Variants in TAFA2 observed in about 807,000 individuals in gnomAD.
TAFA2 encodes chemokine-like protein TAFA-2.
A neutral mutation model predicts 18.8 loss-of-function variants in TAFA2; 7 were observed. The observed-to-expected ratio is 0.37, with a 90% CI of 0.21 to 0.70. The LOEUF is 0.70. Ranked by LOEUF, TAFA2 falls within the 30% of genes least tolerant of loss-of-function variation. The probability of loss-of-function intolerance (pLI) is 0.53; values close to 1 mark genes in which losing one functional copy is unlikely to be tolerated. For missense variants in TAFA2, 122 were observed against 158.1 expected (o/e 0.77, Z 1.23); for synonymous variants, 60 against 54.2 (o/e 1.11, Z -0.47).
At chr12:62,034,361 G>A (rs1034511730) in intron 1 of TAFA2, among the ~76,000 whole-genome samples, 12 of 152,178 alleles carry the variant, frequency 7.9e-5, no homozygotes, top group Admixed American at 2.6e-4. Context: ...TACCTACCTC[G>A]GAAAGGGCCA....
chr12:61,925,165 TAGAC>T lies in TAFA2; in HGVS notation c.-1-57743_-1-57740del, dbSNP rs879172320. 2.9e-4 allele frequency among the ~76,000 whole-genome samples: 44 copies of T among 152,138 alleles called. 1 individual carries two copies. Among genetic ancestry groups the T allele is most frequent in the African/African-American group, 9.9e-4 (41 of 41,408 alleles). ...GACATTAACACCCCACTGTCAATAT[TAGAC>T]AGATCAACAAGATGTAAAATTAACA... On this transcript the variant is annotated intron_variant, in intron 1 of 4. Coordinates refer to ENST00000416284, the MANE Select transcript of TAFA2 (RefSeq NM_178539.5).
intron 2 of TAFA2, among the ~76,000 whole-genome samples, chr12:61,857,676 G>A (rs1051744899): frequency 2.6e-5 from 4 of 152,144 alleles, no homozygotes; most frequent in African/African-American, 9.7e-5. Context: ...AAACGATTCT[G>A]AAGTTCTAGG....
intron 2 of TAFA2, among the ~76,000 whole-genome samples, chr12:61,763,832 G>A (rs980280618): frequency 2.0e-5 from 3 of 151,912 alleles, no homozygotes; most frequent in Admixed American, 2.0e-4. Context: ...TCCATGAGCT[G>A]CCTTGGTGTA....
intron 2 of TAFA2, among the ~76,000 whole-genome samples, chr12:61,832,680 T>G (rs1343763630): frequency 6.6e-6 from 1 of 152,132 alleles, no homozygotes; most frequent in Non-Finnish European, 1.5e-5. Flanking sequence ...CCTTGACTCA[T>G]GTTTCATCCT....
chr12:62,167,579 C>G (rs2062449225), intron 1 of TAFA2, among the ~76,000 whole-genome samples: 1 of 152,104 alleles, frequency 6.6e-6, no homozygotes, highest in South Asian at 2.1e-4. Flanking sequence ...AACCCTTTAG[C>G]CCTAAACTTG....
intron 1 of TAFA2, among the ~76,000 whole-genome samples, chr12:62,227,205 C>G (rs2062790645): frequency 6.6e-6 from 1 of 151,836 alleles, no homozygotes; most frequent in Admixed American, 6.6e-5. Context: ...TTATTTTTTC[C>G]CTCTAACCTC....
intron 2 of TAFA2, 66 bp downstream of exon 2, chr12:61,867,254 A>G (rs1252228562): frequency 1.9e-6 from 2 of 1,041,318 alleles, no homozygotes; most frequent in East Asian, 4.8e-5. Context: ...GAGGCAAAAC[A>G]TAACAGTCTG....
intron 1 of TAFA2, among the ~76,000 whole-genome samples, chr12:61,897,701 G>A (rs1358244768): frequency 6.6e-6 from 1 of 152,120 alleles, no homozygotes; most frequent in Non-Finnish European, 1.5e-5. Context: ...GGGGAATATG[G>A]GGATTACAAT....
At chr12:61,836,732 GATATATATATAT>G (rs3034054) in intron 2 of TAFA2, among the ~76,000 whole-genome samples, 1 of 112,788 alleles carries the variant, frequency 8.9e-6, no homozygotes, top group Non-Finnish European at 1.9e-5. Flanking sequence ...TTGCCAATTT[GATATATATATAT>G]ATATATATAT....
intron 1 of TAFA2, among the ~76,000 whole-genome samples, chr12:62,142,405 T>C (rs1339852324): frequency 1.3e-5 from 2 of 152,206 alleles, no homozygotes; most frequent in Non-Finnish European, 2.9e-5. Context: ...TGTCATTTCA[T>C]AGTGGTAAGT....
chr12:62,110,601 C>A lies in TAFA2; in HGVS notation c.-2+80658G>T, dbSNP rs1010427691. Among the ~76,000 whole-genome samples, 4 of 138,726 alleles carry A rather than the reference C, an allele frequency of 2.9e-5. No homozygotes were observed. In the South Asian group the frequency reaches 9.0e-4, roughly 31 times the overall value. The allele number at this position is 138,726 out of a possible 152,430, so 91.0% of individuals were successfully genotyped here. On this transcript the variant is annotated intron_variant, in intron 1 of 4. Transcript: ENST00000416284. Reference sequence around the variant, plus strand: ...TGGTAGAATTCAGCTGTGAATCCATCTGGTCCTGGGCTTTTTTTTTTTTTT... The same window carrying A: ...TGGTAGAATTCAGCTGTGAATCCATATGGTCCTGGGCTTTTTTTTTTTTTT...
At chr12:61,854,313 A>T (rs1261028127) in intron 2 of TAFA2, among the ~76,000 whole-genome samples, 1 of 152,150 alleles carries the variant, frequency 6.6e-6, no homozygotes, top group Non-Finnish European at 1.5e-5. Context: ...CCCCCCAAAA[A>T]ATTATAGCAG....
intron 1 of TAFA2, among the ~76,000 whole-genome samples, chr12:62,043,430 A>G (rs1881817510): frequency 3.4e-5 from 5 of 148,088 alleles, no homozygotes; most frequent in Admixed American, 2.7e-4. Context: ...ACATGGACAC[A>G]GGAAGGGGAA....
At chr12:62,012,426 A>G (rs1023226387) in intron 1 of TAFA2, among the ~76,000 whole-genome samples, 1 of 152,038 alleles carries the variant, frequency 6.6e-6, no homozygotes, top group Non-Finnish European at 1.5e-5. Flanking sequence ...AAAAAAAAAA[A>G]AAGACTGTTG....
At chr12:61,980,718 G>C (rs1297363185) in intron 1 of TAFA2, among the ~76,000 whole-genome samples, 3 of 152,114 alleles carry the variant, frequency 2.0e-5, no homozygotes, top group African/African-American at 7.2e-5. Flanking sequence ...TTGCTACAAA[G>C]AGAATAAAAT....
intron 1 of TAFA2, among the ~76,000 whole-genome samples, chr12:62,077,262 C>T (rs1042722435): frequency 6.6e-6 from 1 of 152,178 alleles, no homozygotes; most frequent in Non-Finnish European, 1.5e-5. Flanking sequence ...AACATATAAA[C>T]ATGGTTTAAT....
chr12:61,938,230 TAAAA>T (rs1157161976), intron 1 of TAFA2, among the ~76,000 whole-genome samples: 36 of 98,452 alleles, frequency 3.7e-4, no homozygotes, highest in African/African-American at 1.3e-3. Context: ...ATAGATATGG[TAAAA>T]AAAAAAAAAA....
chr12:61,929,258 G>A lies in TAFA2; in HGVS notation c.-1-61832C>T, dbSNP rs116217729. 9.7e-3 allele frequency among the ~76,000 whole-genome samples: 1,467 copies of A among 151,624 alleles called. 39 individuals carry two copies. Among genetic ancestry groups the A allele is most frequent in the African/African-American group, 0.033 (1,380 of 41,368 alleles). ...TTCTACAGCAATGATTGTCAGTGTT[G>A]GCCAGCAGAAATGTTCCCTGGGGAG... On this transcript the variant is annotated intron_variant, in intron 1 of 4. Coordinates refer to ENST00000416284, the MANE Select transcript of TAFA2 (RefSeq NM_178539.5).
chr12:62,231,714 T>A (rs2062812806), intron 1 of TAFA2, among the ~76,000 whole-genome samples: 1 of 152,190 alleles, frequency 6.6e-6, no homozygotes. Flanking sequence ...AAATTTAAGT[T>A]TAAAACCAAA....
Sources: gnomAD v4.1 joint callset for allele counts (sites outside exome capture counted in the v4.1 genomes callset) on GRCh38, gnomAD v4.1.1 for gene constraint, MANE v1.5 for transcripts, NCBI Gene and HGNC (gene_info 2026-07-23, HGNC 2026-07-21) for gene names.